The following NOL4L variants were observed in gnomAD, a reference collection of about 807,000 sequenced individuals.
NOL4L encodes nucleolar protein 4-like.
In NOL4L, 7 loss-of-function variants were observed where a neutral mutation model predicts 64.5. The ratio of observed to expected loss-of-function variants is 0.11; its 90% CI spans 0.06 to 0.20. The LOEUF (loss-of-function observed/expected upper bound fraction) is 0.20, where lower values mean the gene tolerates loss of function less well. NOL4L is among the 10% of genes least tolerant of loss of function. The pLI, the probability that NOL4L is intolerant of heterozygous loss-of-function variation, is 1.00. For missense variants in NOL4L, 680 were observed against 967.1 expected (o/e 0.70, Z 3.94); for synonymous variants, 413 against 401.0 (o/e 1.03, Z -0.36).
At position 32,447,784 on chromosome 20, in the gene NOL4L, A is replaced by C. The variant is rs777147266; in HGVS notation, c.1855T>G (p.Ser619Ala). The C allele has an allele frequency of 1.3e-6, 2 of 1,575,216 alleles. No homozygotes were observed. The highest frequency in any genetic ancestry group is 1.7e-6 in the Non-Finnish European group (2 of 1,157,334). ...PTDLSMKGGA[S>A]TTSTTPTPTP... ...GGCGTGGGGGTGGTGGAGGTGGTAG[A>C]GGCCCCGCCTTTCATGCTGAGGTCC... The change falls in exon 11 of 11, where the codon TCT (serine) becomes GCT (alanine). Residue 619 changes from serine to alanine, a missense_variant. Ser to Ala is a moderately conservative substitution (Grantham distance 99, BLOSUM62 1). This residue lies in a region of NOL4L where 175 missense variants were observed against 227.0 expected (regional missense o/e 0.77). Transcript: ENST00000621426.
intron 5 of NOL4L, among the ~76,000 whole-genome samples, chr20:32,458,939 T>G (rs749717314): frequency 6.6e-6 from 1 of 152,236 alleles, no homozygotes; most frequent in Non-Finnish European, 1.5e-5. Context: ...TCCTGGAGCC[T>G]CTACCAGGTC....
chr20:32,559,594 G>A (rs973710605), intron 1 of NOL4L, among the ~76,000 whole-genome samples: 7 of 152,216 alleles, frequency 4.6e-5, no homozygotes, highest in African/African-American at 1.7e-4. Flanking sequence ...GGCCTACACA[G>A]GGGAGGGAAT....
intron 3 of NOL4L, among the ~76,000 whole-genome samples, chr20:32,520,583 A>G (rs1467978486): frequency 6.6e-6 from 1 of 152,174 alleles, no homozygotes; most frequent in African/African-American, 2.4e-5. Flanking sequence ...CATGTTGTTC[A>G]CTTTTTTGTT....
intron 4 of NOL4L, among the ~76,000 whole-genome samples, chr20:32,480,978 CTCT>C (rs2015678946): frequency 6.6e-6 from 1 of 152,206 alleles, no homozygotes; most frequent in African/African-American, 2.4e-5. Context: ...CAAGCACCAG[CTCT>C]TCTGGGAAAT....
intron 5 of NOL4L, 85 bp from the exon 6 acceptor site, chr20:32,456,480 C>G: frequency 7.7e-7 from 1 of 1,294,168 alleles, no homozygotes; most frequent in Non-Finnish European, 1.0e-6. Context: ...CCTGTGTCCT[C>G]CTCATGAGTG....
At chr20:32,568,472 G>C (rs1677126700) in intron 1 of NOL4L, among the ~76,000 whole-genome samples, 1 of 151,560 alleles carries the variant, frequency 6.6e-6, no homozygotes, top group African/African-American at 2.4e-5. Context: ...AGCCTCCCTG[G>C]ACCTCAGACT....
intron 2 of NOL4L, 150 bp downstream of exon 2, chr20:32,527,608 G>A (rs1156625947): frequency 1.2e-6 from 1 of 826,080 alleles, no homozygotes; most frequent in African/African-American, 1.7e-5. Context: ...TGGCTGCCGT[G>A]CCCTTGCCCT....
At chr20:32,565,435 T>C (rs973201750) in intron 1 of NOL4L, among the ~76,000 whole-genome samples, 14 of 152,210 alleles carry the variant, frequency 9.2e-5, no homozygotes, top group Admixed American at 3.3e-4. Context: ...TATTATTGCA[T>C]AGCACACATG....
At chr20:32,536,019 C>T in intron 1 of NOL4L, 1 of 985,678 alleles carries the variant, frequency 1.0e-6, no homozygotes, top group Non-Finnish European at 1.2e-6. Context: ...AGCCCCCACC[C>T]CAGGCAAGGG....
At chr20:32,527,227 C>T (rs1163871101) in intron 2 of NOL4L, among the ~76,000 whole-genome samples, 1 of 152,130 alleles carries the variant, frequency 6.6e-6, no homozygotes, top group Non-Finnish European at 1.5e-5. Context: ...GCCTCCCCAC[C>T]CCAAATCCAA....
At chr20:32,583,549 G>A (rs1335375564) in intron 1 of NOL4L, among the ~76,000 whole-genome samples, 2 of 149,780 alleles carry the variant, frequency 1.3e-5, no homozygotes, top group Non-Finnish European at 3.0e-5. Context: ...AGGGCGGGGG[G>A]AGGCCGGCGC....
Position 32,456,159 on chromosome 20 carries a change from G to A in NOL4L, c.1078C>T (p.Leu360=). ...YPSDGCGADG[L]RSRVKYGVKT... ...ACCCCGTATTTGACGCGGCTCCGCA[G>A]CCCGTCGGCACCGCAGCCATCCGAG... Residue 360 remains leucine, a synonymous_variant, in exon 6 of 11, where the codon CTG becomes TTG. Coordinates refer to ENST00000621426, the MANE Select transcript of NOL4L (RefSeq NM_001256798.2). The A allele has an allele frequency of 6.4e-7, 1 of 1,572,492 alleles. No homozygotes were observed. Among genetic ancestry groups the A allele is most frequent in the Non-Finnish European group, 8.6e-7 (1 of 1,157,738 alleles).
rs1236636329 is a variant in NOL4L, at chr20:32,475,825, GAACTT to G, written c.700-1088_700-1084del. 3.3e-5 allele frequency among the ~76,000 whole-genome samples: 5 copies of G among 152,180 alleles called. No homozygotes were observed. In the East Asian group the frequency reaches 9.6e-4, roughly 29 times the overall value. ...ATAGTGAGCAAACACACTTTGGTTG[GAACTT>G]TCTTAGACTGCTGTCCCTGAGGCAG... On this transcript the variant is annotated intron_variant, in intron 4 of 10. Coordinates refer to ENST00000621426, the MANE Select transcript of NOL4L (RefSeq NM_001256798.2).
At chr20:32,476,360 C>G (rs933254938) in intron 4 of NOL4L, among the ~76,000 whole-genome samples, 1 of 152,154 alleles carries the variant, frequency 6.6e-6, no homozygotes, top group Non-Finnish European at 1.5e-5. Flanking sequence ...TTCCTTGGAG[C>G]CTTGAGCAAG....
Position 32,453,209 on chromosome 20 carries a change from A to G in NOL4L, c.1497+95T>C. On this transcript the variant is annotated intron_variant, in intron 8 of 10. Coordinates refer to ENST00000621426, the MANE Select transcript of NOL4L (RefSeq NM_001256798.2). This position sits in a 1 kb window ranked among gnomAD's most constrained non-coding sequence, Gnocchi z 5.6. The stretch of plus-strand genomic sequence containing the variant: ...GTACTTGCTTCCAGGGCTCCTGGGA[A>G]GACCCTGGGTGAAGGGGCCCGGGCA... 6.8e-7 allele frequency: 1 copy of G among 1,480,882 alleles called. No homozygotes were observed. The highest frequency in any genetic ancestry group is 9.2e-7 in the Non-Finnish European group (1 of 1,091,942). The allele number at this position is 1,480,882 out of a possible 1,614,324, so 91.7% of individuals were successfully genotyped here.
intron 4 of NOL4L, among the ~76,000 whole-genome samples, chr20:32,491,943 C>A (rs1170721926): frequency 2.0e-5 from 3 of 152,042 alleles, no homozygotes; most frequent in Non-Finnish European, 4.4e-5. Context: ...TAGCAAGACC[C>A]TGTCTCTGCA....
In NOL4L at chr20:32,474,718, C is replaced by T. The variant is rs1255189160; in HGVS notation, c.724G>A (p.Asp242Asn). The change falls in exon 5 of 11, where the codon GAT (aspartate) becomes AAT (asparagine). Residue 242 changes from aspartate (D) to asparagine (N), a missense_variant. By Grantham distance (23) the Asp-to-Asn change is conservative. Transcript: ENST00000621426. ...CATGTGGAGTCGCTCATATCAAAAT[C>T]CTCGCTGCTCACAGAAGTCTCATCC... Reference protein sequence around the residue: ...EQDETSVSSEDFDMSDSTWMS... With the variant: ...EQDETSVSSENFDMSDSTWMS... The T allele has an allele frequency of 1.2e-6, 2 of 1,612,732 alleles. No individual in the cohort carries two copies. The highest frequency in any genetic ancestry group is 8.5e-7 in the Non-Finnish European group (1 of 1,179,414).
chr20:32,570,147 ACT>A lies in NOL4L; in HGVS notation c.321+14421_321+14422del, dbSNP rs1251754755. On this transcript the variant is annotated intron_variant, in intron 1 of 10. Coordinates refer to ENST00000621426, the MANE Select transcript of NOL4L (RefSeq NM_001256798.2). ...GAGGTTAATTAATTTCCCCAAGGTC[ACT>A]CTGTTACTAGGCAGCACAGCCAGGA... Among the ~76,000 whole-genome samples, 9 of 151,928 alleles carry A rather than the reference ACT, an allele frequency of 5.9e-5. No individual in the cohort carries two copies. The South Asian group carries it at 1.9e-3, about 32-fold the overall frequency.
rs759305982 is a variant in NOL4L at position 32,447,589 on chromosome 20, G to A, written c.*7C>T. On this transcript the variant is annotated 3_prime_UTR_variant, in exon 11 of 11. Coordinates refer to ENST00000621426, the MANE Select transcript of NOL4L (RefSeq NM_001256798.2). ...CCTAGGGCAGTGCGCTCCAGGTGCCGGTGGGGTCAGTTCTGCTGTAGGATG... is the reference window on the plus strand; with the variant it reads ...CCTAGGGCAGTGCGCTCCAGGTGCCAGTGGGGTCAGTTCTGCTGTAGGATG... 2.0e-5 allele frequency: 31 copies of A among 1,587,656 alleles called. No individual in the cohort carries two copies. The East Asian group carries it at 2.9e-4, about 15-fold the overall frequency.
Sources: allele counts gnomAD v4.1 joint callset (sites outside exome capture counted in the v4.1 genomes callset), GRCh38; gene constraint gnomAD v4.1.1; regional missense constraint gnomAD v4.1.1; non-coding constraint Gnocchi (gnomAD v3.1); transcripts MANE v1.5; gene names NCBI Gene and HGNC (gene_info 2026-07-23, HGNC 2026-07-21).